LRFN5: variants seen among roughly 807,000 people sequenced by gnomAD.
LRFN5 encodes leucine-rich repeat and fibronectin type-III domain-containing protein 5.
Under a neutral mutation model 45.6 loss-of-function variants are expected in LRFN5, and 24 were observed. The observed-to-expected ratio is 0.53, with a 90% CI of 0.38 to 0.74. The LOEUF (loss-of-function observed/expected upper bound fraction) is 0.74, where lower values mean the gene tolerates loss of function less well. Among genes scored for constraint, LRFN5 ranks in the 30% least tolerant of loss-of-function variants. LRFN5 has a pLI of 0.00. For synonymous variants in LRFN5, 340 were observed against 313.8 expected (o/e 1.08, Z -0.88); for missense variants, 776 against 861.5 (o/e 0.90, Z 1.24).
chr14:41,787,701 C>T (rs1010673895), intron 2 of LRFN5, among the ~76,000 whole-genome samples: 1 of 151,720 alleles, frequency 6.6e-6, no homozygotes, highest in Non-Finnish European at 1.5e-5. Flanking sequence ...TTTTTCATTA[C>T]GGGAATATAA....
chr14:41,628,438 A>G (rs1046792740), intron 1 of LRFN5, among the ~76,000 whole-genome samples: 2 of 152,058 alleles, frequency 1.3e-5, no homozygotes, highest in African/African-American at 4.8e-5. Flanking sequence ...CTTCATGTCT[A>G]CAAAAAAAAT....
chr14:41,628,721 G>T (rs748003317), intron 1 of LRFN5, among the ~76,000 whole-genome samples: 1 of 152,212 alleles, frequency 6.6e-6, no homozygotes, highest in South Asian at 2.1e-4. Flanking sequence ...TTGATTAAAT[G>T]TATTGAGCAC....
chr14:41,717,038 CT>C (rs1883521616), intron 1 of LRFN5, among the ~76,000 whole-genome samples: 1 of 152,098 alleles, frequency 6.6e-6, no homozygotes, highest in Non-Finnish European at 1.5e-5. Context: ...AAATCGTGTC[CT>C]CCTTTACTGC....
intron 1 of LRFN5, among the ~76,000 whole-genome samples, chr14:41,762,162 C>T (rs1885700365): frequency 6.6e-6 from 1 of 150,714 alleles, no homozygotes; most frequent in Non-Finnish European, 1.5e-5. Flanking sequence ...AAACCTTCAC[C>T]TAAGTTCTAG....
intron 1 of LRFN5, among the ~76,000 whole-genome samples, chr14:41,719,833 AAATT>A (rs1417856598): frequency 6.6e-6 from 1 of 151,976 alleles, no homozygotes; most frequent in Middle Eastern, 3.2e-3. Flanking sequence ...CTATGTTAGA[AAATT>A]AATTACTTTG....
At chr14:41,630,389 A>G (rs1888492383) in intron 1 of LRFN5, among the ~76,000 whole-genome samples, 1 of 152,146 alleles carries the variant, frequency 6.6e-6, no homozygotes, top group Admixed American at 6.6e-5. Context: ...TTTCAAAAGT[A>G]TAATGGGAAT....
chr14:41,707,413 T>C (rs1883110995), intron 1 of LRFN5, among the ~76,000 whole-genome samples: 1 of 152,208 alleles, frequency 6.6e-6, no homozygotes, highest in Admixed American at 6.5e-5. Context: ...TCTAAGATGA[T>C]ATATTGCTTT....
At chr14:41,790,839 T>A (rs984000098) in intron 2 of LRFN5, among the ~76,000 whole-genome samples, 6 of 151,742 alleles carry the variant, frequency 4.0e-5, no homozygotes, top group African/African-American at 1.2e-4. Flanking sequence ...AATTTTTAAA[T>A]AAGCTTTTAG....
chr14:41,683,154 G>A (rs1417014966), intron 1 of LRFN5, among the ~76,000 whole-genome samples: 1 of 152,142 alleles, frequency 6.6e-6, no homozygotes, highest in Non-Finnish European at 1.5e-5. Flanking sequence ...GGGATGCAAG[G>A]ATGGTTCAAC....
chr14:41,671,746 G>A (rs545952761), intron 1 of LRFN5, among the ~76,000 whole-genome samples: 3 of 149,864 alleles, frequency 2.0e-5, no homozygotes, highest in East Asian at 4.1e-4. Context: ...AGCCTCTAGA[G>A]TAGCTGGGAT....
chr14:41,831,352 T>C (rs1465128484), intron 2 of LRFN5, among the ~76,000 whole-genome samples: 3 of 152,340 alleles, frequency 2.0e-5, no homozygotes, highest in Non-Finnish European at 4.4e-5. Flanking sequence ...TAATTTTGTA[T>C]GTGTAATGTT....
intron 2 of LRFN5, among the ~76,000 whole-genome samples, chr14:41,879,243 G>A (rs1376344983): frequency 1.3e-5 from 2 of 151,956 alleles, no homozygotes; most frequent in African/African-American, 4.8e-5. Flanking sequence ...GAAGATTTAT[G>A]TTCCTAAAAT....
intron 1 of LRFN5, among the ~76,000 whole-genome samples, chr14:41,641,890 C>T (rs1879596486): frequency 6.6e-6 from 1 of 152,098 alleles, no homozygotes; most frequent in Non-Finnish European, 1.5e-5. Context: ...AAAATGAGTG[C>T]ATCAGCATAA....
intron 1 of LRFN5, among the ~76,000 whole-genome samples, chr14:41,693,419 A>G (rs971370162): frequency 6.6e-6 from 1 of 152,004 alleles, no homozygotes; most frequent in Non-Finnish European, 1.5e-5. Context: ...ATTTTACTCA[A>G]CGTGTTTTGT....
chr14:41,816,287 A>G (rs184973423), intron 2 of LRFN5, among the ~76,000 whole-genome samples: 3 of 152,152 alleles, frequency 2.0e-5, no homozygotes, highest in Admixed American at 2.0e-4. Flanking sequence ...TATTGAACAG[A>G]TTTTTGCTAT....
intron 1 of LRFN5, among the ~76,000 whole-genome samples, chr14:41,674,508 A>G (rs1453058063): frequency 8.5e-6 from 1 of 117,342 alleles, no homozygotes; most frequent in African/African-American, 3.4e-5. Context: ...CGGGGGGCTG[A>G]CCCCTCCACC....
At chr14:41,632,713 G>C (rs1312164024) in intron 1 of LRFN5, among the ~76,000 whole-genome samples, 1 of 152,098 alleles carries the variant, frequency 6.6e-6, no homozygotes, top group African/African-American at 2.4e-5. Context: ...CAATCTTCCT[G>C]TAGTCTTAGT....
At chr14:41,680,546 A>G (rs1234607579) in intron 1 of LRFN5, among the ~76,000 whole-genome samples, 1 of 152,200 alleles carries the variant, frequency 6.6e-6, no homozygotes, top group Non-Finnish European at 1.5e-5. Context: ...TAAGAGCCAC[A>G]GCATTGCTGA....
At chr14:41,714,599 T>G (rs895788893) in intron 1 of LRFN5, among the ~76,000 whole-genome samples, 1 of 152,172 alleles carries the variant, frequency 6.6e-6, no homozygotes, top group African/African-American at 2.4e-5. Flanking sequence ...ATTTTAGATT[T>G]TTTTAGTCAA....
Sources: allele counts gnomAD v4.1 joint callset (sites outside exome capture counted in the v4.1 genomes callset), GRCh38; gene constraint gnomAD v4.1.1; transcripts MANE v1.5; gene names NCBI Gene and HGNC (gene_info 2026-07-23, HGNC 2026-07-21).